PAFAH1B1: variants seen among roughly 807,000 people sequenced by gnomAD.
The protein encoded by PAFAH1B1 is platelet-activating factor acetylhydrolase IB subunit beta.
Under a neutral mutation model 57.5 loss-of-function variants are expected in PAFAH1B1, and 2 were observed. That is an observed-to-expected ratio of 0.03 (90% CI 0.01 to 0.11). The LOEUF is 0.11. Ranked by LOEUF, PAFAH1B1 falls within the 10% of genes least tolerant of loss-of-function variation. The probability of loss-of-function intolerance (pLI) is 1.00; values close to 1 mark genes in which losing one functional copy is unlikely to be tolerated. For synonymous variants in PAFAH1B1, 152 were observed against 169.6 expected, an observed-to-expected ratio of 0.90 and a Z score of 0.81; for missense variants, 257 against 512.0, an observed-to-expected ratio of 0.50 and a Z score of 4.81.
At chr17:2,657,022 C>T (rs560994532) in intron 2 of PAFAH1B1, among the ~76,000 whole-genome samples, 3 of 152,214 alleles carry the variant, frequency 2.0e-5, no homozygotes, top group African/African-American at 7.2e-5. Flanking sequence ...CTCAGGTTCA[C>T]GCCATTCTCC....
At chr17:2,663,780 C>T (rs1412619063) in intron 2 of PAFAH1B1, among the ~76,000 whole-genome samples, 2 of 151,804 alleles carry the variant, frequency 1.3e-5, no homozygotes, top group African/African-American at 2.4e-5. Context: ...TCACTGCAAC[C>T]TTTGCCTCCC....
intron 7 of PAFAH1B1, chr17:2,673,838 T>C (rs1159513658): frequency 5.7e-6 from 3 of 528,262 alleles, no homozygotes; most frequent in Non-Finnish European, 1.0e-5. Context: ...TTATTTCTTA[T>C]ACATATTTTA....
chr17:2,644,163 C>CTT (rs568959536), intron 2 of PAFAH1B1, among the ~76,000 whole-genome samples: 8 of 143,984 alleles, frequency 5.6e-5, no homozygotes, highest in Non-Finnish European at 7.6e-5. Flanking sequence ...CTCTCTTGCT[C>CTT]TTTTTTTTTT....
chr17:2,594,720 T>C (rs2068065717), intron 1 of PAFAH1B1, among the ~76,000 whole-genome samples: 1 of 152,192 alleles, frequency 6.6e-6, no homozygotes, highest in African/African-American at 2.4e-5. Flanking sequence ...TGCCACCGGC[T>C]CCTCGGTCGG....
Position 2,667,102 on chromosome 17 carries a change from A to G in PAFAH1B1, c.303A>G (p.Lys101=). 1 of 1,613,904 alleles carries G rather than the reference A, an allele frequency of 6.2e-7. No individual in the cohort carries two copies. Among genetic ancestry groups the G allele is most frequent in the Non-Finnish European group, 8.5e-7 (1 of 1,179,816 alleles). Residue 101 remains lysine (K), a synonymous_variant, in exon 5 of 11, where the codon AAA becomes AAG. Transcript: ENST00000397195. The part of the protein sequence containing the change: ...PKEWIPRPPE[K]YALSGHRSPV... The stretch of plus-strand genomic sequence containing the variant: ...AATGGATTCCCCGTCCGCCAGAAAA[A>G]TATGCATTGAGTGGTCACAGGAGTC...
chr17:2,617,778 G>C (rs189293190), intron 1 of PAFAH1B1, among the ~76,000 whole-genome samples: 2 of 152,224 alleles, frequency 1.3e-5, no homozygotes, highest in East Asian at 3.9e-4. Context: ...CATTTAGCCA[G>C]GTGTGGCGGT....
chr17:2,629,294 AT>A (rs1282755841), intron 1 of PAFAH1B1, among the ~76,000 whole-genome samples: 1 of 152,052 alleles, frequency 6.6e-6, no homozygotes, highest in Non-Finnish European at 1.5e-5. Flanking sequence ...AGGGTGTGTC[AT>A]TATTGTCATT....
rs531771008 is a variant in PAFAH1B1, at chr17:2,622,759, C to T, written c.-190-15340C>T. Among the ~76,000 whole-genome samples, 6 of 152,336 alleles carry T rather than the reference C, an allele frequency of 3.9e-5. No homozygotes were observed. In the South Asian group the frequency reaches 1.2e-3, roughly 32 times the overall value. ...AGGGACTCGTATGGGGGGCTCTGAC[C>T]CCACATTTCCCTTCAGCACTGCCTT... On this transcript the variant is annotated intron_variant, in intron 1 of 10. Coordinates refer to ENST00000397195, the MANE Select transcript of PAFAH1B1 (RefSeq NM_000430.4).
chr17:2,666,164 A>G lies in PAFAH1B1; in HGVS notation c.192+74A>G, dbSNP rs1223910903. 38 of 1,213,050 alleles carry G rather than the reference A, an allele frequency of 3.1e-5. No homozygotes were observed. In the Admixed American group the frequency reaches 1.1e-3, roughly 34 times the overall value. 75.1% of individuals were successfully genotyped at this position (1,213,050 alleles called of 1,614,324 possible). ...CTTTCTGAAAATAACATTCTTCTGC[A>G]TTAATTAATAATTGCATCTAATCTT... is the stretch of plus-strand genomic sequence containing the variant. On this transcript the variant is annotated intron_variant, in intron 4 of 10. Coordinates refer to ENST00000397195, the MANE Select transcript of PAFAH1B1 (RefSeq NM_000430.4).
chr17:2,635,184 A>C (rs7211338), intron 1 of PAFAH1B1, among the ~76,000 whole-genome samples: 43,424 of 151,092 alleles, frequency 0.29, 6,455 homozygotes, highest in Middle Eastern at 0.36. Flanking sequence ...AGACCAAGTC[A>C]TTTTCCCCAT....
chr17:2,675,932 T>C (rs2069258364), intron 8 of PAFAH1B1, among the ~76,000 whole-genome samples: 1 of 152,228 alleles, frequency 6.6e-6, no homozygotes, highest in African/African-American at 2.4e-5. Flanking sequence ...TAAATAGTGA[T>C]TACAGAAATC....
At chr17:2,651,266 A>T (rs1259596766) in intron 2 of PAFAH1B1, among the ~76,000 whole-genome samples, 1 of 152,036 alleles carries the variant, frequency 6.6e-6, no homozygotes, top group African/African-American at 2.4e-5. Flanking sequence ...TCTTTTGATT[A>T]TTGTAGCTTT....
intron 1 of PAFAH1B1, among the ~76,000 whole-genome samples, chr17:2,635,159 CAAA>C (rs781397486): frequency 3.1e-5 from 3 of 97,050 alleles, no homozygotes; most frequent in South Asian, 3.3e-4. Context: ...AACTCTGTCT[CAAA>C]AAAAAAAAAA....
rs748501310 is a variant in PAFAH1B1, at chr17:2,638,295, C to A, written c.7C>A (p.Leu3Met). ...GCTTGACATTACAGCCAAGATGGTG[C>A]TGTCCCAGAGACAACGAGATGAACT... Reference protein sequence around the residue: MVLSQRQRDELNR... With the variant: MVMSQRQRDELNR... The change falls in exon 2 of 11, where the codon CTG (leucine) becomes ATG (methionine). Residue 3 changes from leucine (L) to methionine (M), a missense_variant. Physicochemically the swap from Leu to Met is conservative, Grantham distance 15 (BLOSUM62 2). Coordinates refer to ENST00000397195, the MANE Select transcript of PAFAH1B1 (RefSeq NM_000430.4). The A allele has an allele frequency of 4.3e-6, 7 of 1,612,454 alleles. No homozygotes were observed. Among genetic ancestry groups the A allele is most frequent in the Non-Finnish European group, 5.9e-6 (7 of 1,179,318 alleles).
intron 8 of PAFAH1B1, among the ~76,000 whole-genome samples, chr17:2,675,596 G>A (rs1388821878): frequency 1.3e-5 from 2 of 150,894 alleles, no homozygotes; most frequent in Non-Finnish European, 1.5e-5. Flanking sequence ...GAGCCCAGGA[G>A]TTTGAGCAAC....
chr17:2,664,594 G>A (rs1338690741), intron 2 of PAFAH1B1, among the ~76,000 whole-genome samples: 3 of 151,590 alleles, frequency 2.0e-5, no homozygotes, highest in African/African-American at 7.3e-5. Flanking sequence ...TAGTGGAGAC[G>A]GGGTTTCACC....
chr17:2,655,489 C>G (rs1050975492), intron 2 of PAFAH1B1, among the ~76,000 whole-genome samples: 3 of 152,126 alleles, frequency 2.0e-5, no homozygotes, highest in African/African-American at 7.2e-5. Flanking sequence ...GCCTGACCAA[C>G]ATGGAGAAAA....
chr17:2,658,145 T>C (rs2068963103), intron 2 of PAFAH1B1, among the ~76,000 whole-genome samples: 1 of 152,228 alleles, frequency 6.6e-6, no homozygotes, highest in Non-Finnish European at 1.5e-5. Context: ...TAGCAGGCCA[T>C]GCAGTTTTTT....
At chr17:2,652,021 T>C (rs1429974918) in intron 2 of PAFAH1B1, among the ~76,000 whole-genome samples, 1 of 152,214 alleles carries the variant, frequency 6.6e-6, no homozygotes, top group Non-Finnish European at 1.5e-5. Flanking sequence ...ACCCCTCATA[T>C]TTTTACTGTT....
Sources: allele counts gnomAD v4.1 joint callset (sites outside exome capture counted in the v4.1 genomes callset), GRCh38; gene constraint gnomAD v4.1.1; transcripts MANE v1.5; gene names NCBI Gene and HGNC (gene_info 2026-07-23, HGNC 2026-07-21).